TRIM46: variants seen among roughly 807,000 people sequenced by gnomAD.
TRIM46 encodes the protein tripartite motif containing 46.
TRIM46 carries 17 observed loss-of-function variants against 69.7 expected under a neutral mutation model. That is an observed-to-expected ratio of 0.24 (90% CI 0.17 to 0.37). The LOEUF (loss-of-function observed/expected upper bound fraction) is 0.37, where lower values mean the gene tolerates loss of function less well. Among genes scored for constraint, TRIM46 ranks in the 10% least tolerant of loss-of-function variants. TRIM46 has a pLI of 1.00. For synonymous variants in TRIM46, 391 were observed against 429.0 expected (o/e 0.91, Z 1.09); for missense variants, 675 against 1,025.1 (o/e 0.66, Z 4.66).
intron 8 of TRIM46, among the ~76,000 whole-genome samples, chr1:155,180,818 G>A (rs1557815998): frequency 6.6e-6 from 1 of 152,048 alleles, no homozygotes; most frequent in South Asian, 2.1e-4. Flanking sequence ...GCTGAGGCAG[G>A]AGAATTGCTT....
In TRIM46 at chr1:155,181,984, G is replaced by A. The variant is rs1557817143; in HGVS notation, c.1721G>A (p.Cys574Tyr). ...LLAADRLLTGCHLSVDVVLGD... is the reference protein window; with the variant it reads ...LLAADRLLTGYHLSVDVVLGD... ...GCTGCTGACCGGCTGCTGACCGGCTGCCACCTGAGTGTGGATGTGGTCCTG... is the reference window on the plus strand; with the variant it reads ...GCTGCTGACCGGCTGCTGACCGGCTACCACCTGAGTGTGGATGTGGTCCTG... Residue 574 changes from cysteine (C) to tyrosine (Y), a missense_variant, in exon 9 of 10, where the codon TGC becomes TAC. By Grantham distance (194) the Cys-to-Tyr change is radical (BLOSUM62 -2). Coordinates refer to ENST00000334634, the MANE Select transcript of TRIM46 (RefSeq NM_025058.5). This position sits in a 1 kb window ranked among gnomAD's most constrained non-coding sequence, Gnocchi z 4.3. The A allele has an allele frequency of 6.2e-7, 1 of 1,613,716 alleles. No homozygotes were observed. The highest frequency in any genetic ancestry group is 1.1e-5 in the South Asian group (1 of 91,078).
Position 155,184,082 on chromosome 1 carries a change from G to T in TRIM46, c.2172G>T (p.Val724=). The T allele has an allele frequency of 6.2e-7, 1 of 1,614,102 alleles. No individual in the cohort carries two copies. Among genetic ancestry groups the T allele is most frequent in the Non-Finnish European group, 8.5e-7 (1 of 1,180,030 alleles). The change falls in exon 10 of 10, where the codon GTG becomes GTT. Residue 724 remains valine (V), a synonymous_variant. Transcript: ENST00000334634. This position sits in a 1 kb window ranked among gnomAD's most constrained non-coding sequence, Gnocchi z 5.6. ...GCCCCCTGGACTGCTCAGGGCCTGT[G>T]TGCCCTGCCTTTTGCTTCATCGGGG... ...LECPLDCSGP[V]CPAFCFIGGG...
chr1:155,177,012 G>C lies in TRIM46; in HGVS notation c.750G>C (p.Arg250=), dbSNP rs1161880775. ...AACGCCTGGTATGTCAACTCTGCCG[G>C]GTGCGGCGCACCCACAGCGGGCACA... ...TCQRLVCQLC[R]VRRTHSGHKI... is the part of the protein sequence containing the mutation. Residue 250 remains arginine (R), a synonymous_variant, in exon 4 of 10, where the codon CGG becomes CGC. Coordinates refer to ENST00000334634, the MANE Select transcript of TRIM46 (RefSeq NM_025058.5). The C allele has an allele frequency of 6.2e-7, 1 of 1,614,086 alleles. No individual in the cohort carries two copies. The highest frequency in any genetic ancestry group is 8.5e-7 in the Non-Finnish European group (1 of 1,180,040).
Position 155,177,990 on chromosome 1 carries a change from C to A in TRIM46, c.910-12C>A. 6.2e-7 allele frequency: 1 copy of A among 1,610,692 alleles called. No individual in the cohort carries two copies. Among genetic ancestry groups the A allele is most frequent in the East Asian group, 2.2e-5 (1 of 44,810 alleles). Reference sequence around the variant, plus strand: ...TAAGTCACGCATCCTTTGGGTGTTGCTCCCTGGGCAGGTGAGTGGTCAGCA... The same window carrying A: ...TAAGTCACGCATCCTTTGGGTGTTGATCCCTGGGCAGGTGAGTGGTCAGCA... On this transcript the variant is annotated splice_polypyrimidine_tract_variant and intron_variant, in intron 5 of 9. Coordinates refer to ENST00000334634, the MANE Select transcript of TRIM46 (RefSeq NM_025058.5).
chr1:155,174,800 G>C, intron 1 of TRIM46: 1 of 1,456,024 alleles, frequency 6.9e-7, no homozygotes, highest in Non-Finnish European at 9.0e-7. Context: ...TGCGGGAGAG[G>C]GCGGGAGGGC....
chr1:155,181,745 A>C lies in TRIM46; in HGVS notation c.1589-107A>C. ...CTGAACCCCCTGCCTGTTCCTGGTGACTGAACCCCCTTGCAACGCGTTCCC... is the reference window on the plus strand; with the variant it reads ...CTGAACCCCCTGCCTGTTCCTGGTGCCTGAACCCCCTTGCAACGCGTTCCC... On this transcript the variant is annotated intron_variant, in intron 8 of 9. Coordinates refer to ENST00000334634, the MANE Select transcript of TRIM46 (RefSeq NM_025058.5). This position sits in a 1 kb window ranked among gnomAD's most constrained non-coding sequence, Gnocchi z 4.3. 8.2e-7 allele frequency: 1 copy of C among 1,219,720 alleles called. No homozygotes were observed. Among genetic ancestry groups the C allele is most frequent in the Non-Finnish European group, 1.1e-6 (1 of 884,600 alleles). 75.6% of individuals were successfully genotyped at this position (1,219,720 alleles called of 1,614,324 possible). A position where few individuals can be genotyped will look rare whatever the true frequency, so the allele number is the denominator to read the frequency against.
rs372693443 is a variant in TRIM46 at position 155,175,698 on chromosome 1, G to A, written c.325+51G>A. On this transcript the variant is annotated intron_variant, in intron 2 of 9. Coordinates refer to ENST00000334634, the MANE Select transcript of TRIM46 (RefSeq NM_025058.5). The surrounding 1 kb of genome is among the most constrained non-coding windows in gnomAD (Gnocchi z 4.2). ...GATGGGAACGCTGAGCTATTCATCAGGAAGATGGAAGAAGTCCATCACTGG... is the reference window on the plus strand; with the variant it reads ...GATGGGAACGCTGAGCTATTCATCAAGAAGATGGAAGAAGTCCATCACTGG... 2.4e-5 allele frequency: 38 copies of A among 1,610,870 alleles called. No homozygotes were observed. Among genetic ancestry groups the A allele is most frequent in the Non-Finnish European group, 3.1e-5 (36 of 1,179,778 alleles).
intron 7 of TRIM46, 126 bp downstream of exon 7, chr1:155,178,739 T>TTGGGGCCCCCCCCCCCCC: frequency 4.1e-5 from 55 of 1,348,364 alleles, no homozygotes; most frequent in Non-Finnish European, 5.3e-5. Context: ...CAGCCATTCC[T>TTGGGGCCCCCCCCCCCCC]CCCACCCAGC....
chr1:155,181,957 T>C lies in TRIM46; in HGVS notation c.1694T>C (p.Leu565Pro), dbSNP rs1557817045. 2 of 1,614,100 alleles carry C rather than the reference T, an allele frequency of 1.2e-6. No homozygotes were observed. The highest frequency in any genetic ancestry group is 1.7e-6 in the Non-Finnish European group (2 of 1,180,020). Residue 565 changes from leucine to proline, a missense_variant, in exon 9 of 10, where the codon CTG (leucine) becomes CCG (proline). By Grantham distance (98) the Leu-to-Pro change is moderately conservative (BLOSUM62 -3). Transcript: ENST00000334634. The surrounding 1 kb of genome is among the most constrained non-coding windows in gnomAD (Gnocchi z 4.3). ...VRSVPGLPLL[L>P]AADRLLTGCH... is the part of the protein sequence containing the mutation. ...AGTGTTCCAGGGCTGCCCCTGCTGC[T>C]GGCTGCTGACCGGCTGCTGACCGGC...
rs753537060 is a variant in TRIM46, at chr1:155,181,978, C to T, written c.1715C>T (p.Thr572Ile). The T allele has an allele frequency of 1.9e-6, 3 of 1,613,752 alleles. No individual in the cohort carries two copies. Among genetic ancestry groups the T allele is most frequent in the Non-Finnish European group, 2.5e-6 (3 of 1,179,928 alleles). Residue 572 changes from threonine (T) to isoleucine (I), a missense_variant, in exon 9 of 10, where the codon ACC (threonine) becomes ATC (isoleucine). Physicochemically the swap from Thr to Ile is moderately conservative, Grantham distance 89. Coordinates refer to ENST00000334634, the MANE Select transcript of TRIM46 (RefSeq NM_025058.5). This position sits in a 1 kb window ranked among gnomAD's most constrained non-coding sequence, Gnocchi z 4.3. ...PLLLAADRLL[T>I]GCHLSVDVVL... is the part of the protein sequence containing the mutation. ...CTGCTGGCTGCTGACCGGCTGCTGA[C>T]CGGCTGCCACCTGAGTGTGGATGTG...
intron 9 of TRIM46, among the ~76,000 whole-genome samples, chr1:155,183,450 C>T (rs1022268393): frequency 3.3e-5 from 5 of 152,192 alleles, no homozygotes; most frequent in East Asian, 1.9e-4. Flanking sequence ...TCACTAATCT[C>T]GGATTCTTCC....
At chr1:155,180,438 T>C in intron 8 of TRIM46, 2 of 414,658 alleles carry the variant, frequency 4.8e-6, no homozygotes, top group Non-Finnish European at 8.7e-6. Flanking sequence ...CTACTAGGAA[T>C]ACAAAACTTA....
chr1:155,175,003 C>A lies in TRIM46; in HGVS notation c.64-383C>A, dbSNP rs1045965309. The A allele has an allele frequency of 8.0e-6, 11 of 1,376,450 alleles. No individual in the cohort carries two copies. In the African/African-American group the frequency reaches 1.5e-4, roughly 19 times the overall value. 85.3% of individuals were successfully genotyped at this position (1,376,450 alleles called of 1,614,324 possible). On this transcript the variant is annotated intron_variant, in intron 1 of 9. Coordinates refer to ENST00000334634, the MANE Select transcript of TRIM46 (RefSeq NM_025058.5). This position sits in a 1 kb window ranked among gnomAD's most constrained non-coding sequence, Gnocchi z 4.2. ...TGCTGCTAGAGAAGGGAGTGGGGGT[C>A]TGCATGGAGCTGCAGAATGGGCGGT...
Position 155,180,121 on chromosome 1 carries a change from T to C in TRIM46, c.1588+187T>C, listed in dbSNP as rs569530241. On this transcript the variant is annotated intron_variant, in intron 8 of 9. Coordinates refer to ENST00000334634, the MANE Select transcript of TRIM46 (RefSeq NM_025058.5). ...GCCTCTTGCCAACTGTGTGGGTGGC[T>C]TCTGGCAAGTTTTTACCCTCTCTGA... Among the ~76,000 whole-genome samples the C allele has an allele frequency of 1.6e-4, 24 of 152,392 alleles. No homozygotes were observed. The South Asian group carries it at 2.5e-3, about 16-fold the overall frequency.
At position 155,181,705 on chromosome 1, in the gene TRIM46, C is replaced by A. The variant is rs1238511848; in HGVS notation, c.1589-147C>A. On this transcript the variant is annotated intron_variant, in intron 8 of 9. Transcript: ENST00000334634. The surrounding 1 kb of genome is among the most constrained non-coding windows in gnomAD (Gnocchi z 4.3). ...TCCTCATGCCCCCCATTCCAGTTTC[C>A]CATGTCCTGTTCTCCTGAACCCCCT... 1 of 798,276 alleles carries A rather than the reference C, an allele frequency of 1.3e-6. No homozygotes were observed. Among genetic ancestry groups the A allele is most frequent in the African/African-American group, 1.8e-5 (1 of 57,124 alleles). The allele number at this position is 798,276 out of a possible 1,614,324, so 49.4% of individuals were successfully genotyped here.
intron 9 of TRIM46, chr1:155,182,386 T>C: frequency 1.7e-6 from 1 of 580,888 alleles, no homozygotes; most frequent in East Asian, 2.8e-5. Flanking sequence ...AAAGGGATGA[T>C]AGAAGAGGGA....
chr1:155,178,009 G>T lies in TRIM46; in HGVS notation c.917G>T (p.Gly306Val), dbSNP rs1665821663. The T allele has an allele frequency of 2.5e-6, 4 of 1,612,870 alleles. 1 individual carries two copies. In the East Asian group the frequency reaches 8.9e-5, roughly 36 times the overall value. Residue 306 changes from glycine to valine, a missense_variant, in exon 6 of 10, where the codon GGT becomes GTT. Physicochemically the swap from Gly to Val is moderately radical, Grantham distance 109. Coordinates refer to ENST00000334634, the MANE Select transcript of TRIM46 (RefSeq NM_025058.5). ...EEAVRHTEVS[G>V]QQAKEEVSQL... ...GTGTTGCTCCCTGGGCAGGTGAGTG[G>T]TCAGCAGGCCAAGGAGGAGGTGTCG...
intron 8 of TRIM46, among the ~76,000 whole-genome samples, chr1:155,180,780 C>G (rs1291178451): frequency 6.6e-6 from 1 of 151,460 alleles, no homozygotes; most frequent in East Asian, 1.9e-4. Flanking sequence ...TGTGGTGGCG[C>G]ATGCCTGTAA....
At chr1:155,174,602 T>G in intron 1 of TRIM46, 1 of 1,528,082 alleles carries the variant, frequency 6.5e-7, no homozygotes, top group South Asian at 1.2e-5. Context: ...TTGTGTCAGC[T>G]GCGCCCCTGA....
Sources: gnomAD v4.1 joint callset for allele counts (sites outside exome capture counted in the v4.1 genomes callset) on GRCh38, gnomAD v4.1.1 for gene constraint, Gnocchi (gnomAD v3.1) non-coding constraint, MANE v1.5 for transcripts, NCBI Gene and HGNC (gene_info 2026-07-23, HGNC 2026-07-21) for gene names.